Variants in SLC27A1 observed in about 807,000 individuals in gnomAD.
SLC27A1 encodes the protein long-chain fatty acid transport protein 1.
In SLC27A1, 61 loss-of-function variants were observed where a neutral mutation model predicts 62.2. The ratio of observed to expected loss-of-function variants is 0.98; its 90% CI spans 0.80 to 1.21. The LOEUF is 1.21. Among genes scored for constraint, SLC27A1 ranks in the 50% most tolerant of loss-of-function variants. SLC27A1 has a pLI of 0.00. For synonymous variants in SLC27A1, 435 were observed against 408.6 expected, an observed-to-expected ratio of 1.06 and a Z score of -0.78; for missense variants, 903 against 932.1, an observed-to-expected ratio of 0.97 and a Z score of 0.41.
chr19:17,472,510 T>TA (rs1420601693), intron 1 of SLC27A1, among the ~76,000 whole-genome samples: 2 of 152,112 alleles, frequency 1.3e-5, no homozygotes, highest in Non-Finnish European at 2.9e-5. Flanking sequence ...TAGCTGCACT[T>TA]ACCTTTTGTC....
intron 11 of SLC27A1, chr19:17,503,461 A>G (rs183841417): frequency 6.6e-6 from 1 of 152,106 alleles, no homozygotes; most frequent in Non-Finnish European, 1.5e-5. Context: ...CTTTATTTCT[A>G]AATTTTTATT....
intron 11 of SLC27A1, among the ~76,000 whole-genome samples, chr19:17,504,148 T>C (rs922478760): frequency 6.6e-6 from 1 of 152,028 alleles, no homozygotes; most frequent in African/African-American, 2.4e-5. Context: ...AGGATGTAAG[T>C]TGCTAAACTC....
chr19:17,500,181 G>A, intron 7 of SLC27A1, 97 bp from the exon 8 acceptor site: 1 of 1,526,264 alleles, frequency 6.6e-7, no homozygotes, highest in Middle Eastern at 1.8e-4. Context: ...GACACTGGAG[G>A]TGCTAGGTCC....
At position 17,500,395 on chromosome 19, in the gene SLC27A1, T is replaced by C. The variant is rs140182322; in HGVS notation, c.1324T>C (p.Cys442Arg). Residue 442 changes from cysteine to arginine, a missense_variant, in exon 8 of 12, where the codon TGC becomes CGC. By Grantham distance (180) the Cys-to-Arg change is radical. Coordinates refer to ENST00000252595, the MANE Select transcript of SLC27A1 (RefSeq NM_198580.3). ...GGATGCCCAGGGCCTCTGCATCCCC[T>C]GCCAGGCCGGTGAGCAGGGCCCCCG... ...LRDAQGLCIP[C>R]QAGEPGLLVG... 4 of 1,613,760 alleles carry C rather than the reference T, an allele frequency of 2.5e-6. No individual in the cohort carries two copies. The highest frequency in any genetic ancestry group is 3.4e-6 in the Non-Finnish European group (4 of 1,179,894).
At chr19:17,477,997 A>G (rs903198402) in intron 1 of SLC27A1, among the ~76,000 whole-genome samples, 1 of 152,144 alleles carries the variant, frequency 6.6e-6, no homozygotes, top group African/African-American at 2.4e-5. Context: ...TACAGGAGTG[A>G]GCCCCTACAC....
chr19:17,476,089 G>C (rs1164514234), intron 1 of SLC27A1, among the ~76,000 whole-genome samples: 1 of 152,110 alleles, frequency 6.6e-6, no homozygotes, highest in Non-Finnish European at 1.5e-5. Context: ...GCCTCTGGAC[G>C]GGCACCCTAC....
intron 1 of SLC27A1, among the ~76,000 whole-genome samples, chr19:17,472,708 G>A (rs1219046765): frequency 6.6e-6 from 1 of 151,954 alleles, no homozygotes; most frequent in Non-Finnish European, 1.5e-5. Flanking sequence ...TGTAATTTTA[G>A]TAGAGATGGG....
At chr19:17,491,900 G>T (rs1227303583) in intron 6 of SLC27A1, among the ~76,000 whole-genome samples, 1 of 151,920 alleles carries the variant, frequency 6.6e-6, no homozygotes, top group East Asian at 1.9e-4. Context: ...GAAAAGAAAA[G>T]AAAAGAAAAT....
intron 7 of SLC27A1, 113 bp downstream of exon 7, chr19:17,497,577 C>A: frequency 1.0e-6 from 1 of 974,552 alleles, no homozygotes; most frequent in South Asian, 1.4e-5. Context: ...CGGAAGGCTC[C>A]GCCAAGGCGC....
In SLC27A1 at chr19:17,486,820, TG is replaced by T; in HGVS notation, c.429del (p.Leu144CysfsTer17). The T allele has an allele frequency of 6.3e-7, 1 of 1,594,680 alleles. No homozygotes were observed. ...AIFLEGRPEF[V>X]GLWLGLAKAG... ...TTCCTGGAGGGCCGGCCGGAGTTCG[TG>T]GGGCTGTGGCTGGGCCTGGCCAAGG... On this transcript the variant is annotated frameshift_variant, in exon 2 of 12. Coordinates refer to ENST00000252595, the MANE Select transcript of SLC27A1 (RefSeq NM_198580.3). LOFTEE classifies it high-confidence loss of function. This position sits in a 1 kb window ranked among gnomAD's most constrained non-coding sequence, Gnocchi z 6.6.
chr19:17,491,061 CA>C (rs1399441809), intron 6 of SLC27A1: 1 of 147,018 alleles, frequency 6.8e-6, no homozygotes, highest in Non-Finnish European at 1.5e-5. Flanking sequence ...TTTGGCCGGG[CA>C]TGATGATACA....
Position 17,497,368 on chromosome 19 carries a change from C to G in SLC27A1, c.1110C>G (p.Ile370Met), listed in dbSNP as rs777832970. ...LAVGNGLRPA[I>M]WEEFTERFGV... is the part of the protein sequence containing the mutation. ...TGGGGAACGGGCTGCGTCCTGCCAT[C>G]TGGGAGGAGTTCACGGAGCGCTTCG... The change falls in exon 7 of 12, where the codon ATC becomes ATG. Residue 370 changes from isoleucine (I) to methionine (M), a missense_variant. Physicochemically the swap from Ile to Met is conservative, Grantham distance 10. Transcript: ENST00000252595. 6.2e-7 allele frequency: 1 copy of G among 1,603,328 alleles called. No homozygotes were observed. Among genetic ancestry groups the G allele is most frequent in the Non-Finnish European group, 8.5e-7 (1 of 1,176,898 alleles).
rs1031934814 is a variant in SLC27A1 at position 17,505,018 on chromosome 19, T to G, written c.*406T>G. On this transcript the variant is annotated 3_prime_UTR_variant, in exon 12 of 12. Coordinates refer to ENST00000252595, the MANE Select transcript of SLC27A1 (RefSeq NM_198580.3). Reference sequence around the variant, plus strand: ...AAGTGATCCTCCCACCTCAGCCTCCTGAGTAGCTGGGATTACAGGCACCCG... The same window carrying G: ...AAGTGATCCTCCCACCTCAGCCTCCGGAGTAGCTGGGATTACAGGCACCCG... 2.7e-6 allele frequency: 1 copy of G among 366,386 alleles called. No homozygotes were observed. Among genetic ancestry groups the G allele is most frequent in the African/African-American group, 2.1e-5 (1 of 46,888 alleles). The allele number at this position is 366,386 out of a possible 1,614,324, so 22.7% of individuals were successfully genotyped here.
intron 6 of SLC27A1, among the ~76,000 whole-genome samples, chr19:17,492,632 A>AG (rs1353757863): frequency 9.9e-4 from 149 of 149,812 alleles, no homozygotes; most frequent in African/African-American, 3.2e-3. Context: ...AAAAAAAAAA[A>AG]AAAGAAAAAG....
chr19:17,481,806 C>T (rs968198249), intron 1 of SLC27A1, among the ~76,000 whole-genome samples: 17 of 152,170 alleles, frequency 1.1e-4, no homozygotes, highest in African/African-American at 3.4e-4. Flanking sequence ...CATGCCTGCA[C>T]GGCTGATTGA....
intron 6 of SLC27A1, among the ~76,000 whole-genome samples, chr19:17,495,021 GGAGTACAATAGAGC>G (rs2075334584): frequency 6.7e-6 from 1 of 150,362 alleles, no homozygotes; most frequent in Non-Finnish European, 1.5e-5. Flanking sequence ...TCCCCAGGCT[GGAGTACAATAGAGC>G]GATCTTGGCT....
chr19:17,487,274 C>G lies in SLC27A1; in HGVS notation c.663C>G (p.Asp221Glu), dbSNP rs1209041874. The G allele has an allele frequency of 1.2e-6, 2 of 1,613,746 alleles. No individual in the cohort carries two copies. The highest frequency in any genetic ancestry group is 2.7e-5 in the African/African-American group (2 of 74,878). Residue 221 changes from aspartate (D) to glutamate (E), a missense_variant, in exon 3 of 12, where the codon GAC becomes GAG. By Grantham distance (45) the Asp-to-Glu change is conservative. Transcript: ENST00000252595. ...EGILPDTHLL[D>E]PLLKEASTAP... is the part of the protein sequence containing the mutation. ...TCTTGCCGGACACCCACCTCCTGGA[C>G]CCGCTGCTGAAGGAGGCCTCTACTG...
At chr19:17,497,511 A>C in intron 7 of SLC27A1, 47 bp downstream of exon 7, 2 of 1,511,070 alleles carry the variant, frequency 1.3e-6, no homozygotes, top group African/African-American at 2.7e-5. Flanking sequence ...TTCAGGGAAG[A>C]CCACTGTCTC....
In SLC27A1 at chr19:17,474,059, C is replaced by T. The variant is rs1386572900; in HGVS notation, c.167+3352C>T. ...CTGGGCTCAAATGATCCTCCCATCA[C>T]AGCCTCCCAAGTAGCTGGGACTACA... On this transcript the variant is annotated intron_variant, in intron 1 of 11. Coordinates refer to ENST00000252595, the MANE Select transcript of SLC27A1 (RefSeq NM_198580.3). Among the ~76,000 whole-genome samples the T allele has an allele frequency of 2.6e-5, 4 of 152,032 alleles. No individual in the cohort carries two copies. The South Asian group carries it at 6.2e-4, about 24-fold the overall frequency.
Sources: gnomAD v4.1 joint callset for allele counts (sites outside exome capture counted in the v4.1 genomes callset) on GRCh38, gnomAD v4.1.1 for gene constraint, Gnocchi (gnomAD v3.1) non-coding constraint, MANE v1.5 for transcripts, NCBI Gene and HGNC (gene_info 2026-07-23, HGNC 2026-07-21) for gene names.